KDM4C: variants seen among roughly 807,000 people sequenced by gnomAD.
KDM4C encodes lysine demethylase 4C, also known as lysine-specific demethylase 4C.
A neutral mutation model predicts 129.3 loss-of-function variants in KDM4C; 81 were observed. The ratio of observed to expected loss-of-function variants is 0.63; its 90% CI spans 0.52 to 0.75. KDM4C has a LOEUF of 0.75. KDM4C is among the 30% of genes least tolerant of loss of function. The pLI is 0.00. For missense variants in KDM4C, 1,457 were observed against 1,304.0 expected, an observed-to-expected ratio of 1.12 and a Z score of -1.81; for synonymous variants, 573 against 456.1, an observed-to-expected ratio of 1.26 and a Z score of -3.26.
intron 17 of KDM4C, among the ~76,000 whole-genome samples, chr9:7,054,801 G>T (rs980253100): frequency 5.3e-5 from 8 of 152,200 alleles, no homozygotes; most frequent in Admixed American, 3.9e-4. Flanking sequence ...TGGGTTTTAA[G>T]AAATCTTAGG....
chr9:6,938,135 G>C (rs528634937), intron 8 of KDM4C, among the ~76,000 whole-genome samples: 1 of 152,158 alleles, frequency 6.6e-6, no homozygotes, highest in Admixed American at 6.5e-5. Flanking sequence ...GTATGCTCCA[G>C]ATCACCTGCA....
At chr9:6,820,841 GAT>G (rs1832907319) in intron 4 of KDM4C, among the ~76,000 whole-genome samples, 1 of 151,362 alleles carries the variant, frequency 6.6e-6, no homozygotes, top group South Asian at 2.1e-4. Context: ...ATTCACAGTA[GAT>G]ATTTCTCCTA....
At chr9:6,811,361 G>C (rs1465058301) in intron 3 of KDM4C, among the ~76,000 whole-genome samples, 1 of 152,050 alleles carries the variant, frequency 6.6e-6, no homozygotes, top group Non-Finnish European at 1.5e-5. Flanking sequence ...CAACATGTTG[G>C]CCAGGCTGGT....
chr9:6,742,855 A>G (rs1214732390), intron 1 of KDM4C, among the ~76,000 whole-genome samples: 2 of 151,936 alleles, frequency 1.3e-5, no homozygotes, highest in South Asian at 2.1e-4. Context: ...TGCCGCAAAC[A>G]TCTTCAGTGT....
At chr9:7,083,764 G>A (rs946434545) in intron 17 of KDM4C, among the ~76,000 whole-genome samples, 1 of 135,492 alleles carries the variant, frequency 7.4e-6, no homozygotes, top group Non-Finnish European at 1.6e-5. Context: ...TGATTGCATT[G>A]TTTAAACAGT....
intron 8 of KDM4C, among the ~76,000 whole-genome samples, chr9:6,936,957 T>C (rs965704204): frequency 5.9e-5 from 9 of 152,230 alleles, no homozygotes; most frequent in Non-Finnish European, 1.0e-4. Flanking sequence ...TTTTATTGAC[T>C]TGGTTTTAGT....
chr9:6,896,575 A>C (rs912974532), intron 8 of KDM4C, among the ~76,000 whole-genome samples: 2 of 151,870 alleles, frequency 1.3e-5, no homozygotes, highest in Non-Finnish European at 2.9e-5. Context: ...TTGTTTTTTA[A>C]TTAAAAAAAA....
chr9:7,052,035 CAGAA>C (rs1181044511), intron 17 of KDM4C, among the ~76,000 whole-genome samples: 6 of 152,188 alleles, frequency 3.9e-5, no homozygotes, highest in African/African-American at 1.2e-4. Context: ...AAGATATAGA[CAGAA>C]AGAGAACATT....
chr9:7,082,958 GT>G (rs1446618917), intron 17 of KDM4C, among the ~76,000 whole-genome samples: 1 of 152,156 alleles, frequency 6.6e-6, no homozygotes, highest in Non-Finnish European at 1.5e-5. Flanking sequence ...ATTGTTTATA[GT>G]TCAGCCTCCA....
chr9:6,740,119 A>T (rs796250502), intron 1 of KDM4C, among the ~76,000 whole-genome samples: 1 of 151,916 alleles, frequency 6.6e-6, no homozygotes, highest in Admixed American at 6.6e-5. Flanking sequence ...CGATCTCTTG[A>T]CCTCAGGTGA....
intron 6 of KDM4C, among the ~76,000 whole-genome samples, chr9:6,883,844 T>G (rs1382177456): frequency 6.6e-6 from 1 of 152,114 alleles, no homozygotes; most frequent in African/African-American, 2.4e-5. Context: ...CCTTGGTGAC[T>G]TGTGCGTAGA....
chr9:7,095,284 A>C (rs1029151546), intron 17 of KDM4C, among the ~76,000 whole-genome samples: 1 of 152,258 alleles, frequency 6.6e-6, no homozygotes, highest in East Asian at 1.9e-4. Context: ...TCTCTGAAAA[A>C]ACGTCAGCAA....
chr9:6,919,255 C>CTTTAT (rs1554643787), intron 8 of KDM4C, among the ~76,000 whole-genome samples: 2 of 122,524 alleles, frequency 1.6e-5, no homozygotes, highest in African/African-American at 6.7e-5. Flanking sequence ...TCTTTTCTTT[C>CTTTAT]TTTCTTTCTT....
intron 17 of KDM4C, among the ~76,000 whole-genome samples, chr9:7,059,687 A>C (rs1371902912): frequency 6.6e-6 from 1 of 152,230 alleles, no homozygotes; most frequent in Non-Finnish European, 1.5e-5. Flanking sequence ...ATATTACAAC[A>C]GACCAAATGC....
chr9:6,776,863 AAGTGCT>A (rs142251843), intron 1 of KDM4C, among the ~76,000 whole-genome samples: 8,622 of 151,972 alleles, frequency 0.057, 259 homozygotes, highest in East Asian at 0.12. Flanking sequence ...CGGCCTCCCA[AAGTGCT>A]GGGATTACAG....
At chr9:7,128,899 AG>A (rs759195388) in intron 19 of KDM4C, among the ~76,000 whole-genome samples, 11 of 152,294 alleles carry the variant, frequency 7.2e-5, no homozygotes, top group Non-Finnish European at 1.2e-4. Flanking sequence ...AACGTGTGCC[AG>A]GGTAATGACT....
chr9:7,069,815 T>C (rs962362915), intron 17 of KDM4C, among the ~76,000 whole-genome samples: 4 of 152,168 alleles, frequency 2.6e-5, no homozygotes, highest in African/African-American at 9.7e-5. Context: ...ATAGGACATG[T>C]GAAAATAAAG....
intron 18 of KDM4C, among the ~76,000 whole-genome samples, chr9:7,117,392 C>T (rs1037626242): frequency 6.6e-6 from 1 of 152,024 alleles, no homozygotes; most frequent in African/African-American, 2.4e-5. Context: ...TCGTTATAGG[C>T]AGGAGTTACC....
intron 18 of KDM4C, among the ~76,000 whole-genome samples, chr9:7,118,905 A>G (rs1428081822): frequency 7.2e-5 from 11 of 152,174 alleles, no homozygotes; most frequent in Admixed American, 5.9e-4. Context: ...CAGCCTTGCC[A>G]GGTCTGATAA....
Sources: gnomAD v4.1 joint callset for allele counts (sites outside exome capture counted in the v4.1 genomes callset) on GRCh38, gnomAD v4.1.1 for gene constraint, MANE v1.5 for transcripts, NCBI Gene and HGNC (gene_info 2026-07-23, HGNC 2026-07-21) for gene names.